IDE: variants seen among roughly 807,000 people sequenced by gnomAD.
IDE encodes insulin degrading enzyme, also known as insulin-degrading enzyme.
A neutral mutation model predicts 133.2 loss-of-function variants in IDE; 58 were observed. The ratio of observed to expected loss-of-function variants is 0.44; its 90% CI spans 0.35 to 0.54. The LOEUF (loss-of-function observed/expected upper bound fraction) is 0.54, where lower values mean the gene tolerates loss of function less well. IDE is among the 20% of genes least tolerant of loss of function. The probability of loss-of-function intolerance (pLI) is 0.00; values close to 1 mark genes in which losing one functional copy is unlikely to be tolerated. For synonymous variants in IDE, 396 were observed against 421.3 expected (o/e 0.94, Z 0.73); for missense variants, 981 against 1,234.0 (o/e 0.79, Z 3.07).
At chr10:92,517,072 A>C (rs754510342) in intron 4 of IDE, among the ~76,000 whole-genome samples, 1 of 152,170 alleles carries the variant, frequency 6.6e-6, no homozygotes, top group Non-Finnish European at 1.5e-5. Flanking sequence ...GCAGAGATAA[A>C]ACTATGGTAG....
chr10:92,483,732 G>A (rs1408530877), intron 13 of IDE, among the ~76,000 whole-genome samples: 1 of 152,200 alleles, frequency 6.6e-6, no homozygotes. Flanking sequence ...TGCCTGCTGA[G>A]ATTCACAGCC....
intron 1 of IDE, among the ~76,000 whole-genome samples, chr10:92,546,159 G>C (rs967515575): frequency 6.6e-6 from 1 of 152,172 alleles, no homozygotes; most frequent in Non-Finnish European, 1.5e-5. Flanking sequence ...AGTAAATACT[G>C]TAACCTTCCA....
intron 1 of IDE, among the ~76,000 whole-genome samples, chr10:92,543,004 T>C (rs11815736): frequency 0.036 from 5,408 of 152,332 alleles, 367 homozygotes; most frequent in African/African-American, 0.12. Flanking sequence ...TAGTAGCAGA[T>C]TGGGAAATTT....
At chr10:92,543,914 A>G (rs535786961) in intron 1 of IDE, among the ~76,000 whole-genome samples, 2 of 152,310 alleles carry the variant, frequency 1.3e-5, no homozygotes, top group African/African-American at 2.4e-5. Flanking sequence ...CTTCTTCCAC[A>G]TGGAGTTTTC....
intron 11 of IDE, 48 bp downstream of exon 11, chr10:92,504,746 A>G (rs761934246): frequency 2.1e-6 from 2 of 945,092 alleles, no homozygotes; most frequent in East Asian, 4.9e-5. Context: ...GATTCTAATC[A>G]TTATTGAAAA....
At chr10:92,553,616 G>A (rs1243896938) in intron 1 of IDE, among the ~76,000 whole-genome samples, 1 of 151,776 alleles carries the variant, frequency 6.6e-6, no homozygotes, top group African/African-American at 2.4e-5. Context: ...AAGAAAAAAA[G>A]AGAGACAACA....
intron 22 of IDE, among the ~76,000 whole-genome samples, chr10:92,457,917 C>T (rs1423759712): frequency 2.6e-5 from 4 of 152,182 alleles, no homozygotes; most frequent in Admixed American, 2.6e-4. Context: ...TTTCCAGGAA[C>T]TCAGCCCAGG....
intron 11 of IDE, among the ~76,000 whole-genome samples, chr10:92,502,472 A>G (rs185609072): frequency 1.6e-3 from 251 of 152,150 alleles, no homozygotes; most frequent in African/African-American, 5.7e-3. Context: ...TATGCAGTTG[A>G]TTTTTGTATG....
At position 92,534,718 on chromosome 10, in the gene IDE, TC is replaced by T; in HGVS notation, c.350del (p.Gly117GlufsTer42). On this transcript the variant is annotated frameshift_variant, in exon 3 of 25. Coordinates refer to ENST00000265986, the MANE Select transcript of IDE (RefSeq NM_004969.4). LOFTEE classifies it high-confidence loss of function. Reference sequence around the variant, plus strand: ...CATTTTCTTTAGGGTATTTCTTTGTTCCCAAAAAAAGCATATGTTCACAAAA... The same window carrying T: ...CATTTTCTTTAGGGTATTTCTTTGTTCCAAAAAAAGCATATGTTCACAAAA... ...SHFCEHMLFLGTKKYPKENEY... is the reference protein window; with the variant it reads ...SHFCEHMLFLXTKKYPKENEY... The T allele has an allele frequency of 6.2e-7, 1 of 1,613,786 alleles. No homozygotes were observed.
chr10:92,517,211 C>T (rs543087219), intron 4 of IDE, among the ~76,000 whole-genome samples: 1 of 152,168 alleles, frequency 6.6e-6, no homozygotes, highest in African/African-American at 2.4e-5. Flanking sequence ...CGCTCTCAAA[C>T]TCAGTCTTTA....
chr10:92,510,844 CAT>C (rs575856048), intron 5 of IDE, among the ~76,000 whole-genome samples: 64 of 148,848 alleles, frequency 4.3e-4, no homozygotes, highest in East Asian at 1.8e-3. Context: ...ACATATCACA[CAT>C]ATGATATATA....
intron 1 of IDE, chr10:92,559,243 A>C (rs1209033053): frequency 6.6e-6 from 1 of 152,244 alleles, no homozygotes; most frequent in Non-Finnish European, 1.5e-5. Flanking sequence ...AAGAGTTAGC[A>C]TATGACCTAG....
chr10:92,562,660 T>C (rs1156984671), intron 1 of IDE, among the ~76,000 whole-genome samples: 1 of 152,016 alleles, frequency 6.6e-6, no homozygotes, highest in Non-Finnish European at 1.5e-5. Context: ...CCAAATGTTA[T>C]CCAACACTCC....
At chr10:92,479,161 G>A in intron 15 of IDE, 116 bp downstream of exon 15, 1 of 628,472 alleles carries the variant, frequency 1.6e-6, no homozygotes, top group South Asian at 3.1e-5. Flanking sequence ...AATATGATTA[G>A]CCATAAAGAT....
chr10:92,539,401 A>T (rs1402712836), intron 1 of IDE, among the ~76,000 whole-genome samples: 1 of 152,188 alleles, frequency 6.6e-6, no homozygotes, highest in Non-Finnish European at 1.5e-5. Flanking sequence ...TAATACTAAC[A>T]TATTGGGGCT....
intron 11 of IDE, among the ~76,000 whole-genome samples, chr10:92,497,143 T>C (rs1208323938): frequency 1.3e-5 from 2 of 152,240 alleles, no homozygotes; most frequent in Non-Finnish European, 2.9e-5. Context: ...AATGGAATTA[T>C]TTATGACTAA....
In IDE at chr10:92,473,103, C is replaced by T. The variant is rs1319864127; in HGVS notation, c.2116+1738G>A. The stretch of plus-strand genomic sequence containing the variant: ...GACTACAGGCACCCGCCACCACGCC[C>T]GGCTAATTTTTTGTATTTTTAGTAC... On this transcript the variant is annotated intron_variant, in intron 17 of 24. Coordinates refer to ENST00000265986, the MANE Select transcript of IDE (RefSeq NM_004969.4). Among the ~76,000 whole-genome samples, 10 of 151,184 alleles carry T rather than the reference C, an allele frequency of 6.6e-5. 1 individual carries two copies. The highest frequency in any genetic ancestry group is 5.9e-4 in the East Asian group (3 of 5,092).
chr10:92,524,422 T>G (rs1327670640), intron 4 of IDE, among the ~76,000 whole-genome samples: 1 of 91,836 alleles, frequency 1.1e-5, no homozygotes, highest in African/African-American at 4.4e-5. Context: ...TTATATTATA[T>G]ATAATATATT....
In IDE at chr10:92,455,649, A is replaced by C. The variant is rs917106778; in HGVS notation, c.2897-6T>G. ...GAACTCTCCAACAACAGGACCTATA[A>C]GAAAATAAAAGGTTTAATACTTTGT... On this transcript the variant is annotated splice_polypyrimidine_tract_variant and splice_region_variant and intron_variant, in intron 23 of 24. Transcript: ENST00000265986. The C allele has an allele frequency of 6.5e-7, 1 of 1,542,208 alleles. No homozygotes were observed. Among genetic ancestry groups the C allele is most frequent in the Non-Finnish European group, 9.0e-7 (1 of 1,116,312 alleles).
Sources: gnomAD v4.1 joint callset for allele counts (sites outside exome capture counted in the v4.1 genomes callset) on GRCh38, gnomAD v4.1.1 for gene constraint, MANE v1.5 for transcripts, NCBI Gene and HGNC (gene_info 2026-07-23, HGNC 2026-07-21) for gene names.